The following LRP2 variants were observed in gnomAD, a reference collection of about 807,000 sequenced individuals.
LRP2 encodes LDL receptor related protein 2.
Under a neutral mutation model 531.0 loss-of-function variants are expected in LRP2, and 172 were observed. The ratio of observed to expected loss-of-function variants is 0.32; its 90% confidence interval spans 0.29 to 0.37. The LOEUF is 0.37. LRP2 is among the 10% of genes least tolerant of loss of function. The pLI is 1.00. For synonymous variants in LRP2, 1,992 were observed against 2,027.6 expected (o/e 0.98, Z 0.47); for missense variants, 5,167 against 5,868.3 (o/e 0.88, Z 3.90).
intron 31 of LRP2, among the ~76,000 whole-genome samples, chr2:169,227,212 T>G (rs1026502957): frequency 2.0e-5 from 3 of 152,218 alleles, no homozygotes; most frequent in African/African-American, 7.2e-5. Context: ...CATTATTGTG[T>G]CCCAGGGCCT....
chr2:169,269,863 A>C (rs1683351966), intron 16 of LRP2, among the ~76,000 whole-genome samples: 1 of 152,234 alleles, frequency 6.6e-6, no homozygotes, highest in South Asian at 2.1e-4. Flanking sequence ...CCATCTTACA[A>C]AGGGCTAATA....
intron 61 of LRP2, among the ~76,000 whole-genome samples, chr2:169,167,379 A>G (rs764290257): frequency 2.6e-5 from 4 of 152,188 alleles, no homozygotes; most frequent in Non-Finnish European, 5.9e-5. Flanking sequence ...GAAGCTGGGA[A>G]AGGGGATGGA....
At chr2:169,350,066 G>A (rs894423020) in intron 1 of LRP2, among the ~76,000 whole-genome samples, 2 of 152,214 alleles carry the variant, frequency 1.3e-5, no homozygotes, top group Admixed American at 6.5e-5. Flanking sequence ...AGTGAAGATG[G>A]TGAAAAGTAG....
At position 169,257,163 on chromosome 2, in the gene LRP2, G is replaced by A. The variant is rs1164966946; in HGVS notation, c.2600C>T (p.Thr867Ile). The A allele has an allele frequency of 6.2e-7, 1 of 1,612,834 alleles. No homozygotes were observed. The highest frequency in any genetic ancestry group is 8.5e-7 in the Non-Finnish European group (1 of 1,179,236). The change falls in exon 18 of 79, where the codon ACT becomes ATT. Residue 867 changes from threonine (T) to isoleucine (I), a missense_variant. Transcript: ENST00000649046. ...DGSHLLPVIN[T>I]TLGWPNGLAI... The stretch of plus-strand genomic sequence containing the variant: ...CAAGCCATTGGGCCATCCAAGAGTA[G>A]TGTTTATTACAGGCAAGAGGTGAGA...
In LRP2 at chr2:169,128,734, G is replaced by C; in HGVS notation, c.13897C>G (p.Pro4633Ala). Residue 4633 changes from proline to alanine, a missense_variant, in exon 79 of 79, where the codon CCA (proline) becomes GCA (alanine). Transcript: ENST00000649046. The stretch of plus-strand genomic sequence containing the variant: ...GTGTCTTCTGTTGCAGAATAGGTTG[G>C]AGTTGGGTCTCTTCTCGAAGGAGGC... ...PKPPSRRDPT[P>A]TYSATEDTFK... 6.2e-7 allele frequency: 1 copy of C among 1,614,108 alleles called. No individual in the cohort carries two copies. The highest frequency in any genetic ancestry group is 8.5e-7 in the Non-Finnish European group (1 of 1,179,984).
intron 35 of LRP2, 61 bp downstream of exon 35, chr2:169,216,192 C>T (rs573169502): frequency 5.8e-6 from 9 of 1,552,950 alleles, no homozygotes; most frequent in African/African-American, 2.7e-5. Context: ...CAGCTCAGAA[C>T]ACTCAGCATC....
At chr2:169,231,970 G>A (rs541366188) in intron 30 of LRP2, 128 bp from the exon 31 acceptor site, 2 of 1,107,336 alleles carry the variant, frequency 1.8e-6, no homozygotes, top group African/African-American at 1.6e-5. Context: ...TGTTACCTCT[G>A]TTGTTTTCTT....
chr2:169,159,521 G>A (rs1686494956), intron 63 of LRP2, among the ~76,000 whole-genome samples: 1 of 152,092 alleles, frequency 6.6e-6, no homozygotes, highest in South Asian at 2.1e-4. Flanking sequence ...CTTTATTATA[G>A]GAGCTCTTAA....
At position 169,256,340 on chromosome 2, in the gene LRP2, A is replaced by G. The variant is rs76589050; in HGVS notation, c.2640-104T>C. The G allele has an allele frequency of 4.7e-3, 3,886 of 835,008 alleles. 92 individuals are homozygous for G. The African/African-American group carries it at 0.06, about 13-fold the overall frequency. 51.7% of individuals were successfully genotyped at this position (835,008 alleles called of 1,614,324 possible). On this transcript the variant is annotated intron_variant, in intron 18 of 78. Transcript: ENST00000649046. ...GTAGGGTCAGTTGACACATTTATTAAACAAAGTTTTTAAAATTTAAATTAT... is the reference window on the plus strand; with the variant it reads ...GTAGGGTCAGTTGACACATTTATTAGACAAAGTTTTTAAAATTTAAATTAT...
At chr2:169,213,946 T>G in intron 35 of LRP2, 76 bp from the exon 36 acceptor site, 1 of 953,644 alleles carries the variant, frequency 1.0e-6, no homozygotes, top group Non-Finnish European at 1.7e-6. Flanking sequence ...AATATTCTCC[T>G]AATTATAATG....
At chr2:169,353,100 G>A (rs557086823) in intron 1 of LRP2, among the ~76,000 whole-genome samples, 2 of 152,232 alleles carry the variant, frequency 1.3e-5, no homozygotes, top group South Asian at 4.2e-4. Context: ...GGTGAGTTTT[G>A]ATTTAAGAAT....
In LRP2 at chr2:169,131,556, A is replaced by G. The variant is rs148514632; in HGVS notation, c.13728+1018T>C. Among the ~76,000 whole-genome samples, 62 of 152,292 alleles carry G rather than the reference A, an allele frequency of 4.1e-4. No homozygotes were observed. In the East Asian group the frequency reaches 7.2e-3, roughly 18 times the overall value. ...TTTACATTACTTCACAAAATTGGTC[A>G]TAGAATCTTAGAACAGAGACATTCC... On this transcript the variant is annotated intron_variant, in intron 77 of 78. Transcript: ENST00000649046.
intron 47 of LRP2, among the ~76,000 whole-genome samples, chr2:169,192,561 A>G (rs1490458129): frequency 6.6e-6 from 1 of 152,132 alleles, no homozygotes; most frequent in African/African-American, 2.4e-5. Flanking sequence ...TGCTTTTCCA[A>G]CTACATTATA....
intron 16 of LRP2, 108 bp downstream of exon 16, chr2:169,270,796 C>T: frequency 2.8e-6 from 1 of 353,384 alleles, no homozygotes; most frequent in Non-Finnish European, 5.1e-6. Context: ...ATAAATAAGA[C>T]TGCTTAAAAA....
intron 19 of LRP2, 129 bp from the exon 20 acceptor site, chr2:169,247,644 T>C: frequency 1.0e-6 from 1 of 976,818 alleles, no homozygotes; most frequent in African/African-American, 1.6e-5. Flanking sequence ...ATATCTGTAA[T>C]ATGTTTCTCT....
At chr2:169,297,861 C>T (rs1298488843) in intron 4 of LRP2, among the ~76,000 whole-genome samples, 5 of 152,042 alleles carry the variant, frequency 3.3e-5, no homozygotes, top group African/African-American at 4.8e-5. Context: ...AGACTGCAGA[C>T]ATGTTTTATT....
At chr2:169,360,505 T>C (rs1686120833) in intron 1 of LRP2, among the ~76,000 whole-genome samples, 1 of 152,142 alleles carries the variant, frequency 6.6e-6, no homozygotes, top group Admixed American at 6.5e-5. Context: ...GGTTATTTAG[T>C]GACTAAATCA....
chr2:169,313,299 A>G (rs967431360), intron 3 of LRP2, among the ~76,000 whole-genome samples: 3 of 151,808 alleles, frequency 2.0e-5, no homozygotes, highest in African/African-American at 7.3e-5. Context: ...GATTTTTAGA[A>G]TTTTCAGCTT....
At chr2:169,327,617 G>A (rs1266324637) in intron 1 of LRP2, among the ~76,000 whole-genome samples, 2 of 116,880 alleles carry the variant, frequency 1.7e-5, no homozygotes, top group African/African-American at 6.8e-5. Context: ...GGGAAGTGAG[G>A]AGCCCCTCTG....
Sources: allele counts gnomAD v4.1 joint callset (sites outside exome capture counted in the v4.1 genomes callset), GRCh38; gene constraint gnomAD v4.1.1; transcripts MANE v1.5; gene names NCBI Gene and HGNC (gene_info 2026-07-23, HGNC 2026-07-21).